The following HIPK3 variants were observed in gnomAD, a reference collection of about 807,000 sequenced individuals.
HIPK3 encodes the protein homeodomain-interacting protein kinase 3.
In HIPK3, 47 loss-of-function variants were observed where a neutral mutation model predicts 124.2. That is an observed-to-expected ratio of 0.38 (90% CI 0.30 to 0.48). The LOEUF (loss-of-function observed/expected upper bound fraction) is 0.48. HIPK3 is among the 20% of genes least tolerant of loss of function. The pLI is 0.98. For synonymous variants in HIPK3, 482 were observed against 515.2 expected, an observed-to-expected ratio of 0.94 and a Z score of 0.87; for missense variants, 1,286 against 1,454.3, an observed-to-expected ratio of 0.88 and a Z score of 1.88.
chr11:33,291,239 G>C (rs183748760), intron 2 of HIPK3, among the ~76,000 whole-genome samples: 87 of 152,228 alleles, frequency 5.7e-4, no homozygotes, highest in Middle Eastern at 3.4e-3. Flanking sequence ...TTATAAATCT[G>C]ATAAGGCAGT....
intron 1 of HIPK3, among the ~76,000 whole-genome samples, chr11:33,284,881 T>C (rs1417700553): frequency 2.0e-5 from 3 of 152,144 alleles, no homozygotes; most frequent in Admixed American, 2.0e-4. Flanking sequence ...GCAGACCAAG[T>C]AGATGGAAGG....
In HIPK3 at chr11:33,339,199, T is replaced by G. The variant is rs2133983978; in HGVS notation, c.1429-151T>G. On this transcript the variant is annotated intron_variant, in intron 5 of 16. Coordinates refer to ENST00000303296, the MANE Select transcript of HIPK3 (RefSeq NM_005734.5). ...TACCTCAACACATTTTGAGGATTTGTTAATATTATTTGTTCTTCTTTGTTT... is the reference window on the plus strand; with the variant it reads ...TACCTCAACACATTTTGAGGATTTGGTAATATTATTTGTTCTTCTTTGTTT... The G allele has an allele frequency of 3.6e-6, 2 of 561,950 alleles. 1 individual carries two copies. The highest frequency in any genetic ancestry group is 6.1e-5 in the South Asian group (2 of 32,612). 34.8% of individuals were successfully genotyped at this position (561,950 alleles called of 1,614,324 possible).
rs1853573744 is a variant in HIPK3, at chr11:33,348,771, C to T, written c.2619C>T (p.Ser873=). Residue 873 remains serine (S), a synonymous_variant, in exon 13 of 17, where the codon AGC becomes AGT. Coordinates refer to ENST00000303296, the MANE Select transcript of HIPK3 (RefSeq NM_005734.5). ...PSPAVSVITI[S]SDTDEEETSQ... ...CTGCAGTGAGTGTCATCACTATCAGCAGTGACACTGATGAGGAAGAGACTT... is the reference window on the plus strand; with the variant it reads ...CTGCAGTGAGTGTCATCACTATCAGTAGTGACACTGATGAGGAAGAGACTT... 1 of 1,614,048 alleles carries T rather than the reference C, an allele frequency of 6.2e-7. No homozygotes were observed. Among genetic ancestry groups the T allele is most frequent in the Non-Finnish European group, 8.5e-7 (1 of 1,179,926 alleles).
At chr11:33,338,699 C>A in intron 4 of HIPK3, 58 bp from the exon 5 acceptor site, 1 of 1,082,486 alleles carries the variant, frequency 9.2e-7, no homozygotes, top group Non-Finnish European at 1.4e-6. Flanking sequence ...CTAAATGTGC[C>A]AGGATTAAAG....
In HIPK3 at chr11:33,287,329, A is replaced by G. The variant is rs776777173; in HGVS notation, c.915A>G (p.Gln305=). 62 of 1,614,064 alleles carry G rather than the reference A, an allele frequency of 3.8e-5. No homozygotes were observed. The highest frequency in any genetic ancestry group is 5.1e-5 in the Non-Finnish European group (60 of 1,180,034). The change falls in exon 2 of 17, where the codon CAA becomes CAG. Residue 305 remains glutamine (Q), a synonymous_variant. Transcript: ENST00000303296. ...AAGTGATTCGGCCCATTCTTCAACA[A>G]GTGGCCACTGCACTGAAAAAATTGA... ...PLKVIRPILQ[Q]VATALKKLKS...
chr11:33,266,150 G>T (rs1354650479), intron 1 of HIPK3, among the ~76,000 whole-genome samples: 1 of 151,250 alleles, frequency 6.6e-6, no homozygotes, highest in South Asian at 2.1e-4. Flanking sequence ...TGAACGAAGA[G>T]ACTAACACGT....
intron 1 of HIPK3, among the ~76,000 whole-genome samples, chr11:33,265,334 GAATAATAT>G (rs1337003550): frequency 2.6e-5 from 4 of 152,168 alleles, no homozygotes; most frequent in African/African-American, 9.7e-5. Flanking sequence ...AGTTAGGTAA[GAATAATAT>G]TGGGTTCAAA....
chr11:33,348,015 T>C lies in HIPK3; in HGVS notation c.2306+2T>C. Reference sequence around the variant, plus strand: ...GAAAAATAAACAGTGCCAGAACAGGTTGGTATTGGTGCTTTAGCTTTCCTC... The same window carrying C: ...GAAAAATAAACAGTGCCAGAACAGGCTGGTATTGGTGCTTTAGCTTTCCTC... On this transcript the variant is annotated splice_donor_variant, in intron 11 of 16. Coordinates refer to ENST00000303296, the MANE Select transcript of HIPK3 (RefSeq NM_005734.5). LOFTEE classifies it high-confidence loss of function. 1 of 1,614,044 alleles carries C rather than the reference T, an allele frequency of 6.2e-7. No homozygotes were observed. Among genetic ancestry groups the C allele is most frequent in the East Asian group, 2.2e-5 (1 of 44,876 alleles).
At chr11:33,337,347 T>A (rs1174257296) in intron 4 of HIPK3, among the ~76,000 whole-genome samples, 153 bp downstream of exon 4, 1 of 152,134 alleles carries the variant, frequency 6.6e-6, no homozygotes, top group Admixed American at 6.5e-5. Context: ...ATTTTATTTT[T>A]TTCAATTTTT....
chr11:33,320,532 C>A (rs1159017791), intron 2 of HIPK3, among the ~76,000 whole-genome samples: 3 of 152,122 alleles, frequency 2.0e-5, no homozygotes, highest in African/African-American at 7.2e-5. Context: ...AGGATAAGGA[C>A]AGAAGCAAGA....
At chr11:33,340,734 A>G (rs1450672808) in intron 6 of HIPK3, among the ~76,000 whole-genome samples, 2 of 152,114 alleles carry the variant, frequency 1.3e-5, no homozygotes, top group African/African-American at 4.8e-5. Context: ...AAAAATGCTT[A>G]CTGTGGTTTT....
At chr11:33,301,161 T>C (rs1450458989) in intron 2 of HIPK3, among the ~76,000 whole-genome samples, 1 of 152,218 alleles carries the variant, frequency 6.6e-6, no homozygotes. Flanking sequence ...CACAATATGT[T>C]ACTTATTTGC....
At chr11:33,342,256 C>T (rs1853358240) in intron 8 of HIPK3, among the ~76,000 whole-genome samples, 1 of 151,914 alleles carries the variant, frequency 6.6e-6, no homozygotes, top group South Asian at 2.1e-4. Flanking sequence ...TGATAAAATA[C>T]CTTAATAGGA....
chr11:33,287,668 A>T (rs1463036855), intron 2 of HIPK3, among the ~76,000 whole-genome samples, 157 bp downstream of exon 2: 1 of 152,208 alleles, frequency 6.6e-6, no homozygotes, highest in Non-Finnish European at 1.5e-5. Flanking sequence ...GATTAAAAAA[A>T]ATCAAGACAT....
chr11:33,350,476 G>T (rs1355992204), intron 14 of HIPK3, among the ~76,000 whole-genome samples: 1 of 151,078 alleles, frequency 6.6e-6, no homozygotes, highest in African/African-American at 2.4e-5. Flanking sequence ...AGACCAGCCT[G>T]GACAACATAG....
intron 15 of HIPK3, 96 bp from the exon 16 acceptor site, chr11:33,352,042 C>T (rs757082526): frequency 7.9e-7 from 1 of 1,270,044 alleles, no homozygotes; most frequent in Non-Finnish European, 1.1e-6. Flanking sequence ...TTTTAAGGCT[C>T]TCAAATCACT....
chr11:33,324,205 CT>C (rs1206984230), intron 2 of HIPK3, among the ~76,000 whole-genome samples: 1 of 151,984 alleles, frequency 6.6e-6, no homozygotes, highest in African/African-American at 2.4e-5. Flanking sequence ...TTATTCACTA[CT>C]GACAGACGGA....
intron 2 of HIPK3, 62 bp downstream of exon 2, chr11:33,287,573 A>C: frequency 6.5e-7 from 1 of 1,526,866 alleles, no homozygotes; most frequent in Non-Finnish European, 8.9e-7. Flanking sequence ...TAAATGAAAT[A>C]CTTTTGTGTG....
At chr11:33,269,929 A>G (rs1305029029) in intron 1 of HIPK3, among the ~76,000 whole-genome samples, 1 of 152,000 alleles carries the variant, frequency 6.6e-6, no homozygotes, top group Non-Finnish European at 1.5e-5. Flanking sequence ...TTCCCTATCT[A>G]GCATCCTCAT....
Sources: allele counts gnomAD v4.1 joint callset (sites outside exome capture counted in the v4.1 genomes callset), GRCh38; gene constraint gnomAD v4.1.1; transcripts MANE v1.5; gene names NCBI Gene and HGNC (gene_info 2026-07-23, HGNC 2026-07-21).